ZBBX: variants seen among roughly 807,000 people sequenced by gnomAD.
ZBBX encodes the protein zinc finger B-box domain containing, also known as zinc finger B-box domain-containing protein 1.
Under a neutral mutation model 108.5 loss-of-function variants are expected in ZBBX, and 101 were observed. The observed-to-expected ratio is 0.93, with a 90% confidence interval of 0.79 to 1.10. The LOEUF is 1.10. ZBBX is among the 50% of genes least tolerant of loss of function. The pLI is 0.00. For synonymous variants in ZBBX, 356 were observed against 323.4 expected, an observed-to-expected ratio of 1.10 and a Z score of -1.08; for missense variants, 1,009 against 941.4, an observed-to-expected ratio of 1.07 and a Z score of -0.94.
intron 20 of ZBBX, among the ~76,000 whole-genome samples, chr3:167,259,895 G>A (rs1724174661): frequency 6.6e-6 from 1 of 151,858 alleles, no homozygotes; most frequent in South Asian, 2.1e-4. Flanking sequence ...GGCCTATTTT[G>A]CTTTTTAACT....
chr3:167,243,088 G>T (rs1244155161), intron 20 of ZBBX, among the ~76,000 whole-genome samples: 3 of 152,110 alleles, frequency 2.0e-5, no homozygotes, highest in Middle Eastern at 3.2e-3. Flanking sequence ...TGACTTCCTT[G>T]CTTTGTTTGA....
chr3:167,225,166 T>G, the ZBBX span, among the ~76,000 whole-genome samples: 2 of 151,910 alleles, frequency 1.3e-5, no homozygotes, highest in African/African-American at 4.8e-5. Context: ...AAGCCAAGTT[T>G]AGCCAAATAT....
chr3:167,250,355 C>A (rs1371185967), intron 20 of ZBBX, among the ~76,000 whole-genome samples: 5 of 152,158 alleles, frequency 3.3e-5, no homozygotes, highest in Admixed American at 6.5e-5. Flanking sequence ...ACAGTTATTT[C>A]TCTTCCAAAG....
intron 11 of ZBBX, among the ~76,000 whole-genome samples, chr3:167,325,429 C>T (rs1282151450): frequency 1.3e-5 from 2 of 152,050 alleles, no homozygotes; most frequent in Admixed American, 1.3e-4. Context: ...TTCACTATCA[C>T]GAGAACAGCA....
Position 167,375,242 on chromosome 3 carries a change from G to A in ZBBX, c.-131-1455C>T, listed in dbSNP as rs536291390. ...TTGGGAGACTATCTTATATTTCAACGATGCAACCACTGATTGAAAACATTT... is the reference window on the plus strand; with the variant it reads ...TTGGGAGACTATCTTATATTTCAACAATGCAACCACTGATTGAAAACATTT... On this transcript the variant is annotated intron_variant, in intron 2 of 21. Transcript: ENST00000675490. Among the ~76,000 whole-genome samples the A allele has an allele frequency of 2.6e-5, 4 of 152,210 alleles. No homozygotes were observed. In the South Asian group the frequency reaches 8.3e-4, roughly 32 times the overall value.
chr3:167,396,432 G>A (rs1310333806), intron 1 of ZBBX, among the ~76,000 whole-genome samples: 1 of 152,018 alleles, frequency 6.6e-6, no homozygotes, highest in Non-Finnish European at 1.5e-5. Flanking sequence ...TGTAGCTCCT[G>A]TAGCCATGTG....
At chr3:167,399,823 T>C (rs1420442993) in intron 1 of ZBBX, among the ~76,000 whole-genome samples, 3 of 152,110 alleles carry the variant, frequency 2.0e-5, no homozygotes, top group Non-Finnish European at 4.4e-5. Flanking sequence ...AGTGAACATA[T>C]TACCCAATAG....
chr3:167,217,485 C>T, the ZBBX span, among the ~76,000 whole-genome samples: 2 of 152,066 alleles, frequency 1.3e-5, no homozygotes, highest in African/African-American at 4.8e-5. Flanking sequence ...GGTAAGGTTA[C>T]AGAGGAAAGA....
At chr3:167,192,743 C>T in the ZBBX span, among the ~76,000 whole-genome samples, 3 of 152,114 alleles carry the variant, frequency 2.0e-5, no homozygotes, top group African/African-American at 7.2e-5. Context: ...CTGATCTTTT[C>T]TGCTGTTAAG....
At chr3:167,228,136 ATTCT>A in the ZBBX span, among the ~76,000 whole-genome samples, 10 of 151,816 alleles carry the variant, frequency 6.6e-5, no homozygotes, top group African/African-American at 2.2e-4. Flanking sequence ...AGACTTAAAA[ATTCT>A]TTCATTTGTT....
At chr3:167,199,988 A>G in the ZBBX span, among the ~76,000 whole-genome samples, 2 of 152,144 alleles carry the variant, frequency 1.3e-5, no homozygotes, top group African/African-American at 2.4e-5. Context: ...TCTAGCTTCT[A>G]GTGGTTGCAA....
At chr3:167,323,557 G>A (rs926651481) in intron 11 of ZBBX, among the ~76,000 whole-genome samples, 23 of 152,004 alleles carry the variant, frequency 1.5e-4, no homozygotes, top group South Asian at 6.2e-4. Flanking sequence ...ATTGCTTGTC[G>A]TAAACAAACT....
intron 20 of ZBBX, among the ~76,000 whole-genome samples, chr3:167,277,219 G>A (rs1339655141): frequency 6.6e-6 from 1 of 151,626 alleles, no homozygotes. Flanking sequence ...ACATCATAAT[G>A]ACAGGAACAA....
chr3:167,192,507 T>TG, the ZBBX span, among the ~76,000 whole-genome samples: 2 of 152,196 alleles, frequency 1.3e-5, no homozygotes, highest in African/African-American at 4.8e-5. Context: ...TTTGAGCTTC[T>TG]TTATATGTTA....
At chr3:167,365,803 G>T in intron 6 of ZBBX, 83 bp downstream of exon 6, 1 of 856,430 alleles carries the variant, frequency 1.2e-6, no homozygotes, top group Non-Finnish European at 1.8e-6. Context: ...GTATATTCCT[G>T]AGTATAGAAG....
At chr3:167,360,750 G>T (rs192850638) in intron 6 of ZBBX, 27 bp from the exon 7 acceptor site, 23 of 1,346,074 alleles carry the variant, frequency 1.7e-5, no homozygotes, top group Non-Finnish European at 1.9e-5. Context: ...GATACTATTT[G>T]TCAGGTATAT....
chr3:167,372,988 G>A, intron 3 of ZBBX, 38 bp from the exon 4 acceptor site: 1 of 996,708 alleles, frequency 1.0e-6, no homozygotes, highest in African/African-American at 1.6e-5. Context: ...TATGGCAGAG[G>A]TGAAGCAGTA....
intron 5 of ZBBX, 55 bp downstream of exon 5, chr3:167,368,406 A>C: frequency 8.0e-7 from 1 of 1,243,670 alleles, no homozygotes; most frequent in Non-Finnish European, 1.2e-6. Flanking sequence ...TATATAAAAT[A>C]GTTCTTTATA....
intron 4 of ZBBX, among the ~76,000 whole-genome samples, chr3:167,369,817 G>A (rs1012707808): frequency 6.6e-6 from 1 of 152,112 alleles, no homozygotes; most frequent in Non-Finnish European, 1.5e-5. Context: ...AAGGATGAAA[G>A]GACTTAGCCA....
Sources: gnomAD v4.1 joint callset for allele counts (sites outside exome capture counted in the v4.1 genomes callset) on GRCh38, gnomAD v4.1.1 for gene constraint, MANE v1.5 for transcripts, NCBI Gene and HGNC (gene_info 2026-07-23, HGNC 2026-07-21) for gene names.